Variants in CTNNA2 observed in about 807,000 individuals in gnomAD.
The protein encoded by CTNNA2 is catenin alpha 2.
Under a neutral mutation model 101.0 loss-of-function variants are expected in CTNNA2, and 42 were observed. That is an observed-to-expected ratio of 0.42 (90% confidence interval 0.32 to 0.54). The LOEUF (loss-of-function observed/expected upper bound fraction) is 0.54. Ranked by LOEUF, CTNNA2 falls within the 20% of genes least tolerant of loss-of-function variation. CTNNA2 has a pLI of 0.14. For missense variants in CTNNA2, 871 were observed against 1,223.1 expected (o/e 0.71, Z 4.29); for synonymous variants, 450 against 456.4 (o/e 0.99, Z 0.18).
intron 3 of CTNNA2, among the ~76,000 whole-genome samples, chr2:79,774,532 G>A (rs1673825223): frequency 6.6e-6 from 1 of 152,158 alleles, no homozygotes; most frequent in Admixed American, 6.5e-5. Flanking sequence ...CAGGAGTGGA[G>A]TCACACAGGA....
chr2:79,760,454 A>AAGT (rs561186300), intron 3 of CTNNA2, among the ~76,000 whole-genome samples: 77 of 152,224 alleles, frequency 5.1e-4, no homozygotes, highest in African/African-American at 1.8e-3. Flanking sequence ...ACAGGCTGGA[A>AAGT]ACTCAAGTAG....
intron 3 of CTNNA2, among the ~76,000 whole-genome samples, chr2:79,763,031 G>A (rs561654864): frequency 3.9e-5 from 6 of 151,968 alleles, no homozygotes; most frequent in African/African-American, 1.4e-4. Context: ...CTTAATTTGG[G>A]GTCTTATTCT....
At chr2:79,646,167 C>A (rs1223656326) in intron 1 of CTNNA2, among the ~76,000 whole-genome samples, 1 of 152,126 alleles carries the variant, frequency 6.6e-6, no homozygotes, top group Non-Finnish European at 1.5e-5. Context: ...AGACATTTTC[C>A]AGGAAGGTTT....
chr2:79,309,196 G>A (rs10520236), intron 2 of CTNNA2, among the ~76,000 whole-genome samples: 27,297 of 151,508 alleles, frequency 0.18, 2,863 homozygotes, highest in African/African-American at 0.29. Flanking sequence ...TTGAATCTTT[G>A]CTTTTTTATG....
At chr2:79,914,684 A>ATGC (rs1476192240) in intron 7 of CTNNA2, among the ~76,000 whole-genome samples, 2 of 152,174 alleles carry the variant, frequency 1.3e-5, no homozygotes, top group Non-Finnish European at 2.9e-5. Flanking sequence ...GCATAAAGTA[A>ATGC]TGCTGCTGTT....
chr2:80,008,276 C>T (rs1693518057), intron 7 of CTNNA2, among the ~76,000 whole-genome samples: 1 of 152,142 alleles, frequency 6.6e-6, no homozygotes, highest in South Asian at 2.1e-4. Context: ...ATTTATGTTT[C>T]CTTATCGCTC....
chr2:79,935,347 T>A, intron 7 of CTNNA2, among the ~76,000 whole-genome samples: 1 of 137,526 alleles, frequency 7.3e-6, no homozygotes, highest in African/African-American at 2.7e-5. Flanking sequence ...TCTTTCTCTC[T>A]CTCTCTTTTT....
chr2:80,555,127 A>G (rs1692911810), intron 11 of CTNNA2, among the ~76,000 whole-genome samples: 1 of 147,906 alleles, frequency 6.8e-6, no homozygotes, highest in Non-Finnish European at 1.5e-5. Flanking sequence ...TACCGTGTGC[A>G]TGACATAATT....
chr2:79,917,075 A>G (rs986698968), intron 7 of CTNNA2, among the ~76,000 whole-genome samples: 13 of 86,872 alleles, frequency 1.5e-4, no homozygotes, highest in Non-Finnish European at 2.4e-4. Context: ...TTATTTATTT[A>G]TTTATTTATT....
At chr2:80,513,143 G>C (rs1263128380) in intron 9 of CTNNA2, among the ~76,000 whole-genome samples, 1 of 152,044 alleles carries the variant, frequency 6.6e-6, no homozygotes, top group Non-Finnish European at 1.5e-5. Flanking sequence ...CAGAAACTAG[G>C]TTCTACATGG....
intron 7 of CTNNA2, among the ~76,000 whole-genome samples, chr2:80,013,941 T>G (rs552570797): frequency 1.2e-3 from 178 of 152,262 alleles, no homozygotes; most frequent in African/African-American, 4.3e-3. Context: ...ACTTGTTGAG[T>G]GCAGTCTCTT....
intron 2 of CTNNA2, among the ~76,000 whole-genome samples, chr2:79,734,173 AC>A (rs1357186319): frequency 1.3e-5 from 2 of 152,100 alleles, no homozygotes; most frequent in African/African-American, 4.8e-5. Flanking sequence ...ATGCCTTCTT[AC>A]CCATTTAAAA....
intron 8 of CTNNA2, among the ~76,000 whole-genome samples, chr2:80,417,248 A>T (rs1198745219): frequency 6.6e-6 from 1 of 150,652 alleles, no homozygotes; most frequent in Non-Finnish European, 1.5e-5. Context: ...TAATCATCTT[A>T]TATACTTTTT....
intron 1 of CTNNA2, among the ~76,000 whole-genome samples, chr2:79,569,425 G>T (rs1354433613): frequency 3.3e-5 from 5 of 152,120 alleles, no homozygotes; most frequent in African/African-American, 1.2e-4. Flanking sequence ...ATGCAGAGAG[G>T]GGACAGGTCA....
At chr2:79,802,687 G>T (rs765430521) in intron 3 of CTNNA2, among the ~76,000 whole-genome samples, 4 of 152,258 alleles carry the variant, frequency 2.6e-5, no homozygotes, top group Non-Finnish European at 5.9e-5. Context: ...AGACTTGGAA[G>T]ATTAATATTA....
chr2:80,249,411 G>A (rs957148011), intron 7 of CTNNA2, among the ~76,000 whole-genome samples: 1 of 152,148 alleles, frequency 6.6e-6, no homozygotes, highest in East Asian at 1.9e-4. Context: ...TGCGAAGGGA[G>A]CTCTTAGGGA....
At chr2:79,608,392 C>T (rs1678039039) in intron 1 of CTNNA2, among the ~76,000 whole-genome samples, 1 of 152,028 alleles carries the variant, frequency 6.6e-6, no homozygotes, top group African/African-American at 2.4e-5. Flanking sequence ...ATAAGGTAGT[C>T]ATTTTTATCT....
At chr2:79,962,804 G>T (rs2104537785) in intron 7 of CTNNA2, among the ~76,000 whole-genome samples, 1 of 152,276 alleles carries the variant, frequency 6.6e-6, no homozygotes, top group East Asian at 1.9e-4. Context: ...GGGCGCGGTG[G>T]CTCACGCCTG....
intron 7 of CTNNA2, among the ~76,000 whole-genome samples, chr2:80,266,576 TA>T (rs1403961768): frequency 1.3e-5 from 2 of 152,222 alleles, no homozygotes; most frequent in African/African-American, 4.8e-5. Context: ...GGAGAGCTAG[TA>T]GGAATTTTCC....
Sources: gnomAD v4.1 joint callset for allele counts (sites outside exome capture counted in the v4.1 genomes callset) on GRCh38, gnomAD v4.1.1 for gene constraint, MANE v1.5 for transcripts, NCBI Gene and HGNC (gene_info 2026-07-23, HGNC 2026-07-21) for gene names.